Variants in STIM1 observed in about 807,000 individuals in gnomAD.
STIM1 encodes stromal interaction molecule 1.
STIM1 carries 25 observed loss-of-function variants against 74.7 expected under a neutral mutation model. That is an observed-to-expected ratio of 0.33 (90% CI 0.24 to 0.47). The LOEUF (loss-of-function observed/expected upper bound fraction) is 0.47. Among genes scored for constraint, STIM1 ranks in the 20% least tolerant of loss-of-function variants. STIM1 has a pLI of 1.00. For synonymous variants in STIM1, 328 were observed against 348.8 expected (o/e 0.94, Z 0.66); for missense variants, 728 against 920.8 (o/e 0.79, Z 2.71).
intron 1 of STIM1, among the ~76,000 whole-genome samples, chr11:3,862,566 C>G (rs1023509965): frequency 1.3e-5 from 2 of 152,086 alleles, no homozygotes; most frequent in Non-Finnish European, 2.9e-5. Flanking sequence ...TCAGAATGAC[C>G]GAGCAGGTTC....
chr11:3,904,051 G>C (rs1302502972), intron 1 of STIM1, among the ~76,000 whole-genome samples: 1 of 151,944 alleles, frequency 6.6e-6, no homozygotes, highest in Non-Finnish European at 1.5e-5. Context: ...ACAAAAATTA[G>C]CTGGGTGTGG....
chr11:4,079,154 G>T (rs2094452010), intron 7 of STIM1, among the ~76,000 whole-genome samples: 1 of 152,014 alleles, frequency 6.6e-6, no homozygotes, highest in Non-Finnish European at 1.5e-5. Context: ...AGCCGGGCGT[G>T]GTGGCGGGTG....
chr11:3,938,812 G>A (rs571651926), intron 1 of STIM1, among the ~76,000 whole-genome samples: 56 of 152,240 alleles, frequency 3.7e-4, no homozygotes, highest in African/African-American at 1.3e-3. Context: ...GCACCACTGC[G>A]CTCCAGCCTG....
At chr11:4,061,305 G>A (rs1216929934) in intron 5 of STIM1, among the ~76,000 whole-genome samples, 1 of 152,152 alleles carries the variant, frequency 6.6e-6, no homozygotes, top group Non-Finnish European at 1.5e-5. Context: ...CTGATACCAG[G>A]ACAGGGGTAT....
At chr11:3,880,671 A>G (rs138850281) in intron 1 of STIM1, among the ~76,000 whole-genome samples, 2 of 152,258 alleles carry the variant, frequency 1.3e-5, no homozygotes, top group East Asian at 1.9e-4. Flanking sequence ...TCCCCAAAAG[A>G]AAAATAAATC....
chr11:3,870,581 C>T (rs2091044249), intron 1 of STIM1, among the ~76,000 whole-genome samples: 1 of 152,168 alleles, frequency 6.6e-6, no homozygotes, highest in African/African-American at 2.4e-5. Flanking sequence ...ACTGCAGCCT[C>T]CACCTCCCAG....
chr11:4,076,315 G>A (rs914048058), intron 7 of STIM1, among the ~76,000 whole-genome samples: 4 of 151,380 alleles, frequency 2.6e-5, no homozygotes, highest in South Asian at 2.1e-4. Context: ...GCAAAAGCCC[G>A]TCTGTACTAA....
At chr11:4,031,931 T>C (rs556052019) in intron 3 of STIM1, among the ~76,000 whole-genome samples, 1 of 152,362 alleles carries the variant, frequency 6.6e-6, no homozygotes, top group Non-Finnish European at 1.5e-5. Flanking sequence ...GTATTGTATC[T>C]AATAAATCTT....
At chr11:4,081,741 G>A (rs968725742) in intron 7 of STIM1, among the ~76,000 whole-genome samples, 5 of 152,206 alleles carry the variant, frequency 3.3e-5, no homozygotes, top group Non-Finnish European at 4.4e-5. Context: ...CCAGTTAAGC[G>A]ACAGACCAGG....
chr11:3,897,101 G>A (rs2092200422), intron 1 of STIM1, among the ~76,000 whole-genome samples: 1 of 152,168 alleles, frequency 6.6e-6, no homozygotes, highest in South Asian at 2.1e-4. Flanking sequence ...GTTTTGTCTA[G>A]AGTGATTTCA....
At chr11:3,950,564 G>A (rs925276311) in intron 1 of STIM1, among the ~76,000 whole-genome samples, 4 of 152,190 alleles carry the variant, frequency 2.6e-5, no homozygotes, top group South Asian at 2.1e-4. Context: ...GAGCATTTAT[G>A]TACAGGTTTT....
At chr11:4,005,957 A>C (rs1039577196) in intron 2 of STIM1, among the ~76,000 whole-genome samples, 7 of 152,194 alleles carry the variant, frequency 4.6e-5, no homozygotes, top group African/African-American at 1.7e-4. Flanking sequence ...CTTCCTTGCT[A>C]GATGTTCAAG....
At chr11:4,058,767 A>G (rs996942885) in intron 4 of STIM1, 4 of 978,868 alleles carry the variant, frequency 4.1e-6, no homozygotes, top group South Asian at 4.5e-5. Flanking sequence ...TTTTGTCATC[A>G]GTGGTTAATT....
chr11:4,042,946 A>G (rs2094159839), intron 3 of STIM1, among the ~76,000 whole-genome samples: 1 of 152,188 alleles, frequency 6.6e-6, no homozygotes, highest in Non-Finnish European at 1.5e-5. Context: ...GGGAGTAGGG[A>G]TCTCTCTCTT....
In STIM1 at chr11:3,856,069, GAGCC is replaced by G. The variant is rs2090354531; in HGVS notation, c.-197_-194del. On this transcript the variant is annotated 5_prime_UTR_variant, in exon 1 of 13. Transcript: ENST00000526596. ...CGGCGGACCCACTGTTGGACCTGAG[GAGCC>G]AGCCCTCCTCCCGCACCCAAACTTG... is the stretch of plus-strand genomic sequence containing the variant. 1.6e-6 allele frequency: 1 copy of G among 630,480 alleles called. No individual in the cohort carries two copies. The highest frequency in any genetic ancestry group is 2.8e-6 in the Non-Finnish European group (1 of 358,702). 39.1% of individuals were successfully genotyped at this position (630,480 alleles called of 1,614,324 possible).
intron 3 of STIM1, among the ~76,000 whole-genome samples, chr11:4,025,338 CTA>C (rs1404171486): frequency 1.3e-5 from 2 of 152,160 alleles, no homozygotes; most frequent in Non-Finnish European, 2.9e-5. Flanking sequence ...CCTGTTAACT[CTA>C]TGTTTTATCA....
At chr11:4,029,536 T>TGAGGGA (rs2094029461) in intron 3 of STIM1, among the ~76,000 whole-genome samples, 2 of 91,622 alleles carry the variant, frequency 2.2e-5, no homozygotes, top group African/African-American at 8.5e-5. Flanking sequence ...CCAATCTGAG[T>TGAGGGA]GAGGGAGAGG....
At chr11:3,868,521 C>T (rs2090956540) in intron 1 of STIM1, among the ~76,000 whole-genome samples, 1 of 152,196 alleles carries the variant, frequency 6.6e-6, no homozygotes, top group African/African-American at 2.4e-5. Context: ...GGGGAAGAAA[C>T]AGCTATCTGA....
At chr11:3,938,375 C>T (rs2092962318) in intron 1 of STIM1, among the ~76,000 whole-genome samples, 2 of 152,154 alleles carry the variant, frequency 1.3e-5, no homozygotes, top group African/African-American at 4.8e-5. Flanking sequence ...GTGTTGAGAA[C>T]AGTCTTTGCC....
Sources: gnomAD v4.1 joint callset for allele counts (sites outside exome capture counted in the v4.1 genomes callset) on GRCh38, gnomAD v4.1.1 for gene constraint, MANE v1.5 for transcripts, NCBI Gene and HGNC (gene_info 2026-07-23, HGNC 2026-07-21) for gene names.